JARID2: variants seen among roughly 807,000 people sequenced by gnomAD.
JARID2 encodes the protein protein Jumonji.
A neutral mutation model predicts 125.6 loss-of-function variants in JARID2; 21 were observed. The ratio of observed to expected loss-of-function variants is 0.17; its 90% confidence interval spans 0.12 to 0.24. JARID2 has a LOEUF of 0.24. Ranked by LOEUF, JARID2 falls within the 10% of genes least tolerant of loss-of-function variation. The pLI is 1.00. For synonymous variants in JARID2, 736 were observed against 661.6 expected, an observed-to-expected ratio of 1.11 and a Z score of -1.73; for missense variants, 1,303 against 1,639.6, an observed-to-expected ratio of 0.79 and a Z score of 3.55.
In JARID2 at chr6:15,468,776, A is replaced by C. The variant is rs187347278; in HGVS notation, c.670+58A>C. 7 of 1,524,290 alleles carry C rather than the reference A, an allele frequency of 4.6e-6. No individual in the cohort carries two copies. The East Asian group carries it at 1.6e-4, about 34-fold the overall frequency. The allele number at this position is 1,524,290 out of a possible 1,614,324, so 94.4% of individuals were successfully genotyped here. ...ATCTAAAGCTTTGGGTGAGAGCTGGAAGAGAGCCTCTGCTGAGAAGAGATG... is the reference window on the plus strand; with the variant it reads ...ATCTAAAGCTTTGGGTGAGAGCTGGCAGAGAGCCTCTGCTGAGAAGAGATG... On this transcript the variant is annotated intron_variant, in intron 5 of 17. Coordinates refer to ENST00000341776, the MANE Select transcript of JARID2 (RefSeq NM_004973.4).
chr6:15,379,712 T>C (rs1223669445), intron 2 of JARID2, among the ~76,000 whole-genome samples: 1 of 152,220 alleles, frequency 6.6e-6, no homozygotes, highest in Non-Finnish European at 1.5e-5. Flanking sequence ...TCTAGTACTT[T>C]AGCTGTATTT....
chr6:15,410,329 G>A lies in JARID2; in HGVS notation c.287G>A (p.Ser96Asn). 1 of 1,614,144 alleles carries A rather than the reference G, an allele frequency of 6.2e-7. No individual in the cohort carries two copies. The highest frequency in any genetic ancestry group is 8.5e-7 in the Non-Finnish European group (1 of 1,179,984). ...GTGTCCTCCACTAGCAACGATGTTA[G>A]TTCTTCAGATTTTGAAGAAGGGCCG... is the stretch of plus-strand genomic sequence containing the variant. ...SQVSSTSNDV[S>N]SSDFEEGPSR... Residue 96 changes from serine (S) to asparagine (N), a missense_variant, in exon 3 of 18, where the codon AGT (serine) becomes AAT (asparagine). Ser to Asn is a conservative substitution (Grantham distance 46). Coordinates refer to ENST00000341776, the MANE Select transcript of JARID2 (RefSeq NM_004973.4).
At chr6:15,301,972 A>G (rs1329893844) in intron 1 of JARID2, among the ~76,000 whole-genome samples, 1 of 152,258 alleles carries the variant, frequency 6.6e-6, no homozygotes, top group Non-Finnish European at 1.5e-5. Context: ...ACAGAAAAGT[A>G]TATGTCAAGA....
intron 4 of JARID2, among the ~76,000 whole-genome samples, chr6:15,465,194 C>T (rs1768657909): frequency 6.6e-6 from 1 of 152,174 alleles, no homozygotes; most frequent in Non-Finnish European, 1.5e-5. Context: ...TGGCTCACTC[C>T]TGTAATCCCA....
At chr6:15,435,998 C>T (rs1435169100) in intron 3 of JARID2, among the ~76,000 whole-genome samples, 1 of 152,040 alleles carries the variant, frequency 6.6e-6, no homozygotes, top group Admixed American at 6.6e-5. Flanking sequence ...TTCAGTGCCC[C>T]GCTGCTCATA....
At chr6:15,476,297 A>C (rs1438181304) in intron 5 of JARID2, among the ~76,000 whole-genome samples, 1 of 152,164 alleles carries the variant, frequency 6.6e-6, no homozygotes, top group Non-Finnish European at 1.5e-5. Context: ...GTCCTGTTTC[A>C]TCTTGTTTCT....
At chr6:15,512,880 A>AT in intron 14 of JARID2, 35 bp from the exon 15 acceptor site, 1 of 1,601,376 alleles carries the variant, frequency 6.2e-7, no homozygotes. Flanking sequence ...CTAGTAATGA[A>AT]AATCCACCCT....
intron 1 of JARID2, among the ~76,000 whole-genome samples, chr6:15,344,751 G>A (rs1411988841): frequency 6.6e-6 from 1 of 151,934 alleles, no homozygotes; most frequent in African/African-American, 2.4e-5. Context: ...CTTGTATGAA[G>A]TTTTCTGTAA....
At chr6:15,435,852 A>C (rs1426633882) in intron 3 of JARID2, among the ~76,000 whole-genome samples, 1 of 151,700 alleles carries the variant, frequency 6.6e-6, no homozygotes, top group African/African-American at 2.4e-5. Context: ...TTTGAACTTC[A>C]GGAGTACAGA....
intron 2 of JARID2, among the ~76,000 whole-genome samples, chr6:15,392,787 T>A (rs146957223): frequency 6.6e-6 from 1 of 150,766 alleles, no homozygotes; most frequent in African/African-American, 2.4e-5. Flanking sequence ...CAGGTTCAAG[T>A]AATTCTCATG....
chr6:15,331,327 T>G (rs1042488437), intron 1 of JARID2, among the ~76,000 whole-genome samples: 1 of 138,768 alleles, frequency 7.2e-6, no homozygotes, highest in African/African-American at 2.7e-5. Flanking sequence ...GAGAGAGAGA[T>G]CCTGCCTCAA....
At chr6:15,348,466 T>A (rs1408970803) in intron 1 of JARID2, among the ~76,000 whole-genome samples, 1 of 152,232 alleles carries the variant, frequency 6.6e-6, no homozygotes, top group Admixed American at 6.5e-5. Context: ...GGGTTCTCAG[T>A]ATTTTTTAAA....
chr6:15,355,617 CTT>C (rs201247568), intron 1 of JARID2, among the ~76,000 whole-genome samples: 5 of 144,156 alleles, frequency 3.5e-5, no homozygotes, highest in Admixed American at 6.9e-5. Flanking sequence ...CTTCCTCTTG[CTT>C]TTTTTTTTTT....
At chr6:15,307,734 C>T (rs374912390) in intron 1 of JARID2, among the ~76,000 whole-genome samples, 4 of 152,122 alleles carry the variant, frequency 2.6e-5, no homozygotes, top group Non-Finnish European at 5.9e-5. Context: ...CTACTAGGTT[C>T]TCCCTTTACT....
At chr6:15,250,846 A>T (rs758623270) in intron 1 of JARID2, among the ~76,000 whole-genome samples, 13 of 152,032 alleles carry the variant, frequency 8.6e-5, no homozygotes, top group Non-Finnish European at 1.8e-4. Flanking sequence ...CGTACTCCAA[A>T]TGTTAAACTT....
At chr6:15,351,522 T>G (rs1763427803) in intron 1 of JARID2, among the ~76,000 whole-genome samples, 1 of 152,180 alleles carries the variant, frequency 6.6e-6, no homozygotes, top group Non-Finnish European at 1.5e-5. Flanking sequence ...GGGTCCCACT[T>G]TCCTCATGTA....
intron 1 of JARID2, among the ~76,000 whole-genome samples, chr6:15,366,930 T>C: frequency 6.6e-6 from 1 of 152,154 alleles, no homozygotes; most frequent in East Asian, 1.9e-4. Flanking sequence ...TAATATTTAT[T>C]GTAGTGGCTT....
intron 3 of JARID2, among the ~76,000 whole-genome samples, chr6:15,419,122 A>G (rs1766370406): frequency 1.3e-5 from 2 of 151,936 alleles, no homozygotes; most frequent in African/African-American, 2.4e-5. Context: ...TAAATGCAAA[A>G]AAGTGAAAGC....
At position 15,378,550 on chromosome 6, in the gene JARID2, C is replaced by T. The variant is rs1764458625; in HGVS notation, c.181+4298C>T. 2.6e-5 allele frequency among the ~76,000 whole-genome samples: 4 copies of T among 152,168 alleles called. No individual in the cohort carries two copies. The Middle Eastern group carries it at 0.014, about 518-fold the overall frequency. Reference sequence around the variant, plus strand: ...CCATCTAACTATGGGGCCTTTATGACTGTTAGATGTGGTAGTGACTTTCTT... The same window carrying T: ...CCATCTAACTATGGGGCCTTTATGATTGTTAGATGTGGTAGTGACTTTCTT... On this transcript the variant is annotated intron_variant, in intron 2 of 17. Coordinates refer to ENST00000341776, the MANE Select transcript of JARID2 (RefSeq NM_004973.4).
Sources: allele counts gnomAD v4.1 joint callset (sites outside exome capture counted in the v4.1 genomes callset), GRCh38; gene constraint gnomAD v4.1.1; transcripts MANE v1.5; gene names NCBI Gene and HGNC (gene_info 2026-07-23, HGNC 2026-07-21).